The following KCNMB4 variants were observed in gnomAD, a reference collection of about 807,000 sequenced individuals.
KCNMB4 encodes potassium calcium-activated channel subfamily M regulatory beta subunit 4, also known as calcium-activated potassium channel subunit beta-4.
In KCNMB4, 3 loss-of-function variants were observed where a neutral mutation model predicts 20.7. That is an observed-to-expected ratio of 0.14 (90% confidence interval 0.07 to 0.37). The LOEUF (loss-of-function observed/expected upper bound fraction) is 0.37, where lower values mean the gene tolerates loss of function less well. Ranked by LOEUF, KCNMB4 falls within the 10% of genes least tolerant of loss-of-function variation. The probability of loss-of-function intolerance (pLI) is 1.00; values close to 1 mark genes in which losing one functional copy is unlikely to be tolerated. For missense variants in KCNMB4, 168 were observed against 265.9 expected (o/e 0.63, Z 2.56); for synonymous variants, 110 against 113.4 (o/e 0.97, Z 0.19).
intron 2 of KCNMB4, among the ~76,000 whole-genome samples, chr12:70,427,691 T>C (rs1593350745): frequency 6.6e-6 from 1 of 152,206 alleles, no homozygotes; most frequent in East Asian, 1.9e-4. Context: ...ATTTTCCAGT[T>C]ATTATTTTTC....
At chr12:70,415,164 A>C (rs542152338) in intron 2 of KCNMB4, among the ~76,000 whole-genome samples, 72 of 152,332 alleles carry the variant, frequency 4.7e-4, no homozygotes, top group African/African-American at 1.7e-3. Flanking sequence ...TATTAACACA[A>C]TCCTCATTTT....
At position 70,382,412 on chromosome 12, in the gene KCNMB4, G is replaced by A. The variant is rs1481204464; in HGVS notation, c.336+15342G>A. ...CGCGCCACAGCACTCCCGCCTGGGC[G>A]ACAGAACGAGACTCCGTCTCAAAAA... On this transcript the variant is annotated intron_variant, in intron 1 of 2. Coordinates refer to ENST00000258111, the MANE Select transcript of KCNMB4 (RefSeq NM_014505.6). 5.0e-5 allele frequency among the ~76,000 whole-genome samples: 6 copies of A among 119,364 alleles called. No homozygotes were observed. In the East Asian group the frequency reaches 1.2e-3, roughly 24 times the overall value. 78.3% of individuals were successfully genotyped at this position (119,364 alleles called of 152,430 possible).
At chr12:70,373,004 G>A (rs966628175) in intron 1 of KCNMB4, among the ~76,000 whole-genome samples, 3 of 152,178 alleles carry the variant, frequency 2.0e-5, no homozygotes, top group African/African-American at 7.2e-5. Context: ...TGAGTGTGGG[G>A]TGTGTTGGGG....
At position 70,366,718 on chromosome 12, in the gene KCNMB4, G is replaced by T; in HGVS notation, c.-17G>T. ...AGGGGGCGGGGGGAGCACGCCAGCC[G>T]CCGAGAGTGGGGGGCGATGGCGAAG... On this transcript the variant is annotated 5_prime_UTR_variant, in exon 1 of 3. Transcript: ENST00000258111. 1.3e-6 allele frequency: 2 copies of T among 1,518,106 alleles called. No homozygotes were observed. Among genetic ancestry groups the T allele is most frequent in the Non-Finnish European group, 1.8e-6 (2 of 1,131,744 alleles). The allele number at this position is 1,518,106 out of a possible 1,614,324, so 94.0% of individuals were successfully genotyped here.
chr12:70,405,975 C>T (rs969777165), intron 2 of KCNMB4, among the ~76,000 whole-genome samples: 16 of 152,072 alleles, frequency 1.1e-4, no homozygotes, highest in South Asian at 2.1e-4. Flanking sequence ...CAACATGTGA[C>T]GACATGGATG....
intron 2 of KCNMB4, among the ~76,000 whole-genome samples, chr12:70,407,593 G>C (rs570366030): frequency 7.1e-6 from 1 of 141,624 alleles, no homozygotes; most frequent in African/African-American, 2.6e-5. Context: ...TCAGCCTCCC[G>C]AGTAGCTGGG....
At chr12:70,418,328 G>T (rs75500318) in intron 2 of KCNMB4, among the ~76,000 whole-genome samples, 1 of 152,076 alleles carries the variant, frequency 6.6e-6, no homozygotes. Context: ...TGTCCTCTTT[G>T]CCTGGAGCGA....
intron 2 of KCNMB4, among the ~76,000 whole-genome samples, chr12:70,417,363 A>G (rs1593345273): frequency 1.3e-5 from 2 of 152,208 alleles, no homozygotes; most frequent in East Asian, 1.9e-4. Context: ...TAGGAGCAGC[A>G]GCATTGGAGG....
At chr12:70,393,448 G>A (rs1565859179) in intron 1 of KCNMB4, among the ~76,000 whole-genome samples, 2 of 151,940 alleles carry the variant, frequency 1.3e-5, no homozygotes, top group South Asian at 4.2e-4. Context: ...TGACCCACCC[G>A]CCTTGGCCCC....
Position 70,430,628 on chromosome 12 carries a change from C to G in KCNMB4, c.608C>G (p.Ala203Gly), listed in dbSNP as rs1457290377. The G allele has an allele frequency of 1.2e-6, 2 of 1,610,124 alleles. No individual in the cohort carries two copies. The highest frequency in any genetic ancestry group is 1.3e-5 in the African/African-American group (1 of 74,576). ...AAGAGCTTGGCGGTCAAGGCGGAAG[C>G]CATGAAGAAGCGCAAGTTCTCTTAA... ...CAKSLAVKAEAMKKRKFS is the reference protein window; with the variant it reads ...CAKSLAVKAEGMKKRKFS The change falls in exon 3 of 3, where the codon GCC (alanine) becomes GGC (glycine). Residue 203 changes from alanine to glycine, a missense_variant. Ala to Gly is a moderately conservative substitution (Grantham distance 60). Transcript: ENST00000258111.
chr12:70,394,965 C>G (rs1868338468), intron 1 of KCNMB4, among the ~76,000 whole-genome samples: 1 of 152,148 alleles, frequency 6.6e-6, no homozygotes, highest in South Asian at 2.1e-4. Context: ...CTGCACCTGA[C>G]TGTTAATGGA....
At chr12:70,423,853 A>G (rs1193048523) in intron 2 of KCNMB4, among the ~76,000 whole-genome samples, 5 of 152,224 alleles carry the variant, frequency 3.3e-5, no homozygotes, top group African/African-American at 1.2e-4. Context: ...ATGATACTGT[A>G]GGGGACAAAA....
At chr12:70,424,457 A>T (rs1049279112) in intron 2 of KCNMB4, among the ~76,000 whole-genome samples, 20 of 150,156 alleles carry the variant, frequency 1.3e-4, no homozygotes, top group Middle Eastern at 3.2e-3. Flanking sequence ...AAAAAAAAAA[A>T]ATATTGCAAA....
At chr12:70,428,880 G>T (rs973214808) in intron 2 of KCNMB4, among the ~76,000 whole-genome samples, 3 of 152,082 alleles carry the variant, frequency 2.0e-5, no homozygotes, top group African/African-American at 7.2e-5. Context: ...CTGAAAGCTG[G>T]GATGATTGTT....
At position 70,433,509 on chromosome 12, in the gene KCNMB4, C is replaced by T. The variant is rs898321254; in HGVS notation, c.*2856C>T. ...AATTACAGCCATCACTTCTGCCCACCGTCCATTCATGAATACTTACTATAT... is the reference window on the plus strand; with the variant it reads ...AATTACAGCCATCACTTCTGCCCACTGTCCATTCATGAATACTTACTATAT... On this transcript the variant is annotated 3_prime_UTR_variant, in exon 3 of 3. Coordinates refer to ENST00000258111, the MANE Select transcript of KCNMB4 (RefSeq NM_014505.6). 8 of 152,182 alleles carry T rather than the reference C, an allele frequency of 5.3e-5. No homozygotes were observed. Among genetic ancestry groups the T allele is most frequent in the African/African-American group, 1.7e-4 (7 of 41,430 alleles). 9.4% of individuals were successfully genotyped at this position (152,182 alleles called of 1,614,324 possible).
chr12:70,387,019 G>A (rs1868263025), intron 1 of KCNMB4, among the ~76,000 whole-genome samples: 1 of 152,090 alleles, frequency 6.6e-6, no homozygotes, highest in Non-Finnish European at 1.5e-5. Flanking sequence ...CTGGGGTAAG[G>A]GTCAGTCAGA....
chr12:70,387,393 T>G lies in KCNMB4; in HGVS notation c.337-12816T>G, dbSNP rs537777391. Among the ~76,000 whole-genome samples the G allele has an allele frequency of 3.2e-3, 412 of 129,698 alleles. 2 individuals carry two copies. Among genetic ancestry groups the G allele is most frequent in the African/African-American group, 0.013 (402 of 30,482 alleles). The allele number at this position is 129,698 out of a possible 152,430, so 85.1% of individuals were successfully genotyped here. On this transcript the variant is annotated intron_variant, in intron 1 of 2. Transcript: ENST00000258111. ...CTCACTGATTCGTCTTTTTTAAATTTTTTAATTTTTTTTTTTTTTTTTTTG... is the reference window on the plus strand; with the variant it reads ...CTCACTGATTCGTCTTTTTTAAATTGTTTAATTTTTTTTTTTTTTTTTTTG...
chr12:70,416,569 A>G (rs1868918763), intron 2 of KCNMB4, among the ~76,000 whole-genome samples: 1 of 152,172 alleles, frequency 6.6e-6, no homozygotes, highest in Non-Finnish European at 1.5e-5. Context: ...ATTGTTATGC[A>G]TATTTCTGTA....
intron 1 of KCNMB4, among the ~76,000 whole-genome samples, chr12:70,383,631 T>A (rs1883834654): frequency 6.6e-6 from 1 of 152,230 alleles, no homozygotes; most frequent in African/African-American, 2.4e-5. Context: ...ACACCCTTCC[T>A]TGCCTCTTCC....
Sources: allele counts gnomAD v4.1 joint callset (sites outside exome capture counted in the v4.1 genomes callset), GRCh38; gene constraint gnomAD v4.1.1; transcripts MANE v1.5; gene names NCBI Gene and HGNC (gene_info 2026-07-23, HGNC 2026-07-21).